The following CFAP92 variants were observed in gnomAD, a reference collection of about 807,000 sequenced individuals.
CFAP92 encodes uncharacterized protein CFAP92.
A neutral mutation model predicts 106.3 loss-of-function variants in CFAP92; 86 were observed. That is an observed-to-expected ratio of 0.81 (90% CI 0.68 to 0.97). The LOEUF (loss-of-function observed/expected upper bound fraction) is 0.97. CFAP92 is among the 50% of genes least tolerant of loss of function. The pLI, the probability that CFAP92 is intolerant of heterozygous loss-of-function variation, is 0.00. For missense variants in CFAP92, 1,204 were observed against 1,283.8 expected, an observed-to-expected ratio of 0.94 and a Z score of 0.95; for synonymous variants, 477 against 506.4, an observed-to-expected ratio of 0.94 and a Z score of 0.78.
At chr3:128,979,946 TA>T (rs562183391) in intron 4 of CFAP92, among the ~76,000 whole-genome samples, 3,390 of 43,064 alleles carry the variant, frequency 0.079, 90 homozygotes, top group South Asian at 0.23. Flanking sequence ...TAAAGTATAA[TA>T]ATATATATAT....
intron 1 of CFAP92, chr3:129,002,391 C>T (rs59793454): frequency 0.014 from 20,445 of 1,470,266 alleles, 918 homozygotes; most frequent in African/African-American, 0.11. Context: ...AGCTGGCTGG[C>T]TGCGGAGCCC....
chr3:128,956,207 T>TAAAAAAAGAAAAAAAAAAAAAAA (rs1256391409), intron 9 of CFAP92, among the ~76,000 whole-genome samples: 1 of 53,224 alleles, frequency 1.9e-5, no homozygotes, highest in African/African-American at 1.4e-4. Flanking sequence ...AAAAAAAAAA[T>TAAAAAAAGAAAAAAAAAAAAAAA]AAAAAAATAA....
At chr3:129,002,417 G>C in intron 1 of CFAP92, 1 of 1,425,458 alleles carries the variant, frequency 7.0e-7, no homozygotes, top group Non-Finnish European at 9.1e-7. Flanking sequence ...GACAGAGTCA[G>C]AGGAAGGGGA....
At chr3:128,920,842 C>G (rs1937215094) in intron 12 of CFAP92, among the ~76,000 whole-genome samples, 1 of 152,222 alleles carries the variant, frequency 6.6e-6, no homozygotes, top group African/African-American at 2.4e-5. Context: ...GACTTGTTGG[C>G]TCCTTGCTTC....
chr3:128,912,278 T>G (rs2107671062), intron 15 of CFAP92, among the ~76,000 whole-genome samples: 1 of 152,240 alleles, frequency 6.6e-6, no homozygotes, highest in African/African-American at 2.4e-5. Flanking sequence ...CCATGAGATC[T>G]GGGGGTTAGA....
chr3:128,933,203 C>T (rs1401556489), intron 11 of CFAP92, among the ~76,000 whole-genome samples: 1 of 151,996 alleles, frequency 6.6e-6, no homozygotes, highest in African/African-American at 2.4e-5. Context: ...CCCCAGCCCC[C>T]AGAAGCCAAA....
chr3:128,999,531 CTTTT>C (rs5852556), intron 1 of CFAP92, among the ~76,000 whole-genome samples: 2 of 71,582 alleles, frequency 2.8e-5, no homozygotes, highest in Admixed American at 2.0e-4. Context: ...AAATCAGGTT[CTTTT>C]TTTTTTTTTT....
the CFAP92 span, among the ~76,000 whole-genome samples, chr3:129,022,200 T>C: frequency 6.6e-6 from 1 of 152,250 alleles, no homozygotes; most frequent in Non-Finnish European, 1.5e-5. Flanking sequence ...AGAAGGACCA[T>C]GTCATTTCAT....
chr3:128,986,240 CT>C (rs144649397), intron 4 of CFAP92, among the ~76,000 whole-genome samples: 39,226 of 138,904 alleles, frequency 0.28, 5,337 homozygotes, highest in African/African-American at 0.37. Context: ...ATCTGTTTTA[CT>C]TTTTTTTTTT....
chr3:128,989,144 C>G (rs1179359199), intron 2 of CFAP92, among the ~76,000 whole-genome samples: 1 of 152,032 alleles, frequency 6.6e-6, no homozygotes, highest in Non-Finnish European at 1.5e-5. Flanking sequence ...GAGTGAGTGT[C>G]TCAGTTGGAG....
At chr3:128,934,985 G>A (rs574363909) in intron 11 of CFAP92, 140 bp downstream of exon 11, 5 of 589,134 alleles carry the variant, frequency 8.5e-6, no homozygotes, top group East Asian at 5.7e-5. Flanking sequence ...GCATCTGGGC[G>A]GATGGTCCTC....
chr3:128,961,392 T>TC (rs761304370), intron 9 of CFAP92, among the ~76,000 whole-genome samples: 9 of 152,046 alleles, frequency 5.9e-5, no homozygotes, highest in Non-Finnish European at 1.3e-4. Context: ...ATCTGACCTC[T>TC]CCCCTCCTCA....
the CFAP92 span, among the ~76,000 whole-genome samples, chr3:129,014,107 T>C: frequency 1.2e-4 from 18 of 152,230 alleles, no homozygotes; most frequent in Admixed American, 2.0e-4. This position sits in a 1 kb window ranked among gnomAD's most constrained non-coding sequence, Gnocchi z 4.3. Flanking sequence ...GAAATAACCA[T>C]TGGCTTTTCT....
intron 9 of CFAP92, among the ~76,000 whole-genome samples, chr3:128,949,605 T>C (rs1047267195): frequency 6.6e-6 from 1 of 152,254 alleles, no homozygotes; most frequent in African/African-American, 2.4e-5. Context: ...AAAGTGATTA[T>C]GAAGGGCGAG....
At chr3:128,999,512 C>T (rs1944611052) in intron 1 of CFAP92, among the ~76,000 whole-genome samples, 3 of 145,792 alleles carry the variant, frequency 2.1e-5, no homozygotes, top group African/African-American at 5.1e-5. Context: ...TTAGGGCTGA[C>T]ATGAAATAAA....
intron 1 of CFAP92, chr3:129,002,087 C>G: frequency 6.6e-7 from 1 of 1,522,986 alleles, no homozygotes; most frequent in Non-Finnish European, 8.8e-7. Context: ...GTGGCTACTT[C>G]GGCACCCGTG....
chr3:128,964,382 A>C (rs997128207), intron 9 of CFAP92, among the ~76,000 whole-genome samples: 4 of 152,114 alleles, frequency 2.6e-5, no homozygotes, highest in South Asian at 2.1e-4. Context: ...CTGTGCCCCC[A>C]AAAAACTTGT....
chr3:128,974,857 C>T (rs1326801470), intron 7 of CFAP92, among the ~76,000 whole-genome samples: 1 of 147,874 alleles, frequency 6.8e-6, no homozygotes, highest in African/African-American at 2.5e-5. Flanking sequence ...CGTGGTGGCT[C>T]ACGCCTGTAA....
the CFAP92 span, among the ~76,000 whole-genome samples, chr3:129,023,469 C>T: frequency 3.3e-5 from 5 of 152,182 alleles, no homozygotes; most frequent in African/African-American, 9.7e-5. Flanking sequence ...GCTGGGACTA[C>T]AGGCGCCCGC....
Sources: gnomAD v4.1 joint callset for allele counts (sites outside exome capture counted in the v4.1 genomes callset) on GRCh38, gnomAD v4.1.1 for gene constraint, Gnocchi (gnomAD v3.1) non-coding constraint, MANE v1.5 for transcripts, NCBI Gene and HGNC (gene_info 2026-07-23, HGNC 2026-07-21) for gene names.